Variants in CSMD1 observed in about 807,000 individuals in gnomAD.
The protein encoded by CSMD1 is CUB and sushi domain-containing protein 1.
In CSMD1, 213 loss-of-function variants were observed where a neutral mutation model predicts 417.5. That is an observed-to-expected ratio of 0.51 (90% CI 0.46 to 0.57). The LOEUF (loss-of-function observed/expected upper bound fraction) is 0.57. Ranked by LOEUF, CSMD1 falls within the 20% of genes least tolerant of loss-of-function variation. CSMD1 has a pLI of 0.00. For synonymous variants in CSMD1, 2,862 were observed against 1,736.8 expected (o/e 1.65, Z -16.11); for missense variants, 6,923 against 4,529.7 (o/e 1.53, Z -15.17).
chr8:3,877,843 T>G lies in CSMD1; in HGVS notation c.818+120060A>C, dbSNP rs183833639. ...ATATTTATAGAACTGACTTAAATTT[T>G]GTCTAATAATGACAAACAAACATTA... On this transcript the variant is annotated intron_variant, in intron 5 of 69. Transcript: ENST00000635120. Among the ~76,000 whole-genome samples the G allele has an allele frequency of 5.9e-5, 9 of 152,338 alleles. No homozygotes were observed. The East Asian group carries it at 1.7e-3, about 29-fold the overall frequency.
At position 4,360,221 on chromosome 8, in the gene CSMD1, C is replaced by A. The variant is rs148227203; in HGVS notation, c.415+59732G>T. On this transcript the variant is annotated intron_variant, in intron 3 of 69. Coordinates refer to ENST00000635120, the MANE Select transcript of CSMD1 (RefSeq NM_033225.6). Reference sequence around the variant, plus strand: ...ATTTGTCACCATTTTAGGGGGTAACCCTTCTCATCTAATGTTGATTTCCTG... The same window carrying A: ...ATTTGTCACCATTTTAGGGGGTAACACTTCTCATCTAATGTTGATTTCCTG... 4.1e-3 allele frequency among the ~76,000 whole-genome samples: 622 copies of A among 152,186 alleles called. 1 individual carries two copies. The highest frequency in any genetic ancestry group is 0.014 in the African/African-American group (576 of 41,524).
intron 5 of CSMD1, among the ~76,000 whole-genome samples, chr8:3,932,621 A>G (rs1219008945): frequency 6.6e-6 from 1 of 150,466 alleles, no homozygotes; most frequent in East Asian, 1.9e-4. Context: ...ATTTCACCAA[A>G]CATTTATATT....
rs567588961 is a variant in CSMD1 at position 3,733,371 on chromosome 8, A to T, written c.931+20559T>A. On this transcript the variant is annotated intron_variant, in intron 6 of 69. Coordinates refer to ENST00000635120, the MANE Select transcript of CSMD1 (RefSeq NM_033225.6). ...ATATTATATATATAATATATATATA[A>T]AATATAATATATATTATCTGGATTA... Among the ~76,000 whole-genome samples, 82 of 148,018 alleles carry T rather than the reference A, an allele frequency of 5.5e-4. No individual in the cohort carries two copies. In the East Asian group the frequency reaches 0.013, roughly 24 times the overall value.
chr8:3,446,344 C>T (rs1042273629), intron 12 of CSMD1, among the ~76,000 whole-genome samples: 1 of 152,188 alleles, frequency 6.6e-6, no homozygotes, highest in African/African-American at 2.4e-5. Flanking sequence ...CACAAATTTA[C>T]ATAGACTGTT....
At chr8:3,400,552 G>A (rs960833123) in intron 15 of CSMD1, among the ~76,000 whole-genome samples, 2 of 151,886 alleles carry the variant, frequency 1.3e-5, no homozygotes, top group African/African-American at 4.8e-5. Flanking sequence ...AAAAATAAAA[G>A]CAAAAATTTA....
chr8:4,083,662 C>T (rs986146739), intron 3 of CSMD1, among the ~76,000 whole-genome samples: 4 of 152,046 alleles, frequency 2.6e-5, no homozygotes, highest in Non-Finnish European at 5.9e-5. Context: ...AACTGGATCC[C>T]TTCCTTACAC....
intron 2 of CSMD1, among the ~76,000 whole-genome samples, chr8:4,439,916 T>C (rs772320532): frequency 3.3e-5 from 5 of 152,148 alleles, no homozygotes; most frequent in Non-Finnish European, 7.4e-5. Flanking sequence ...ACAAGCTTAA[T>C]AAGGAGTAAT....
intron 1 of CSMD1, among the ~76,000 whole-genome samples, chr8:4,728,921 A>G (rs1809654758): frequency 6.6e-6 from 1 of 152,202 alleles, no homozygotes; most frequent in Non-Finnish European, 1.5e-5. Flanking sequence ...GAGCATTACA[A>G]CGTTAAGGTA....
chr8:3,539,232 T>C (rs903938075), intron 10 of CSMD1, among the ~76,000 whole-genome samples: 24 of 152,178 alleles, frequency 1.6e-4, no homozygotes, highest in Non-Finnish European at 2.9e-5. Flanking sequence ...CTCATGTGTA[T>C]CATTAATCCT....
rs767668610 is a variant in CSMD1, at chr8:3,817,252, C to CTTTTTTTTTTT, written c.819-63221_819-63211dup. On this transcript the variant is annotated intron_variant, in intron 5 of 69. Coordinates refer to ENST00000635120, the MANE Select transcript of CSMD1 (RefSeq NM_033225.6). ...TCCAAAGTGGTCATATCTTCTTCTT[C>CTTTTTTTTTTT]TTTTTTTTTTTTTTTTTTTTTTTTT... 6.1e-4 allele frequency among the ~76,000 whole-genome samples: 33 copies of CTTTTTTTTTTT among 54,420 alleles called. 9 individuals are homozygous for CTTTTTTTTTTT. Among genetic ancestry groups the CTTTTTTTTTTT allele is most frequent in the Non-Finnish European group, 7.9e-4 (23 of 29,154 alleles). The allele number at this position is 54,420 out of a possible 152,430, so 35.7% of individuals were successfully genotyped here.
intron 5 of CSMD1, among the ~76,000 whole-genome samples, chr8:3,810,384 G>A (rs902855811): frequency 1.3e-5 from 2 of 152,184 alleles, no homozygotes; most frequent in Non-Finnish European, 1.5e-5. Context: ...GGGAAATATG[G>A]TGACCCTTCA....
chr8:4,813,502 C>G (rs1799024099), intron 1 of CSMD1, among the ~76,000 whole-genome samples: 1 of 152,122 alleles, frequency 6.6e-6, no homozygotes, highest in African/African-American at 2.4e-5. Flanking sequence ...GTCTGATTTG[C>G]TTTTTATCCT....
At chr8:4,152,332 C>G (rs1796608877) in intron 3 of CSMD1, among the ~76,000 whole-genome samples, 1 of 152,010 alleles carries the variant, frequency 6.6e-6, no homozygotes, top group African/African-American at 2.4e-5. Context: ...TGAATATTTA[C>G]AGAAATCAGG....
rs550798616 is a variant in CSMD1 at position 3,236,519 on chromosome 8, C to T, written c.4154-6288G>A. On this transcript the variant is annotated intron_variant, in intron 26 of 69. Coordinates refer to ENST00000635120, the MANE Select transcript of CSMD1 (RefSeq NM_033225.6). ...TTGAAACAAATTTCATTTTATTTTCCTCTAGTTATGAATGATGCAAAGATG... is the reference window on the plus strand; with the variant it reads ...TTGAAACAAATTTCATTTTATTTTCTTCTAGTTATGAATGATGCAAAGATG... 2.3e-3 allele frequency among the ~76,000 whole-genome samples: 343 copies of T among 152,190 alleles called. 1 individual carries two copies. The highest frequency in any genetic ancestry group is 7.6e-3 in the African/African-American group (316 of 41,544).
At chr8:4,254,343 T>C (rs1346552947) in intron 3 of CSMD1, among the ~76,000 whole-genome samples, 1 of 152,198 alleles carries the variant, frequency 6.6e-6, no homozygotes, top group African/African-American at 2.4e-5. Context: ...ATGGAGAGTC[T>C]GCTTGTATAG....
intron 30 of CSMD1, among the ~76,000 whole-genome samples, chr8:3,213,249 T>A (rs1797713533): frequency 6.6e-6 from 1 of 152,252 alleles, no homozygotes; most frequent in African/African-American, 2.4e-5. Flanking sequence ...TGAGCTCATC[T>A]TAAAATAACC....
At chr8:4,258,159 G>A (rs1803593692) in intron 3 of CSMD1, among the ~76,000 whole-genome samples, 1 of 150,172 alleles carries the variant, frequency 6.7e-6, no homozygotes, top group African/African-American at 2.5e-5. Flanking sequence ...TGTTCAGGCT[G>A]GTCTCAAACT....
intron 7 of CSMD1, among the ~76,000 whole-genome samples, chr8:3,644,416 G>C (rs1262245319): frequency 6.6e-6 from 1 of 152,204 alleles, no homozygotes; most frequent in Non-Finnish European, 1.5e-5. Context: ...CGCATTTACA[G>C]TTTCCTCACC....
chr8:3,331,779 T>G (rs1431726278), intron 23 of CSMD1, among the ~76,000 whole-genome samples: 1 of 152,220 alleles, frequency 6.6e-6, no homozygotes, highest in African/African-American at 2.4e-5. Context: ...TCTTTAAAGT[T>G]ACCGTGTGAA....
Sources: allele counts gnomAD v4.1 joint callset (sites outside exome capture counted in the v4.1 genomes callset), GRCh38; gene constraint gnomAD v4.1.1; transcripts MANE v1.5; gene names NCBI Gene and HGNC (gene_info 2026-07-23, HGNC 2026-07-21).